MRPS28: variants seen among roughly 807,000 people sequenced by gnomAD.
The protein encoded by MRPS28 is mitochondrial ribosomal protein S28.
Under a neutral mutation model 10.8 loss-of-function variants are expected in MRPS28, and 7 were observed. The observed-to-expected ratio is 0.65, with a 90% CI of 0.37 to 1.22. The LOEUF is 1.22. MRPS28 is among the 50% of genes most tolerant of loss of function. The pLI is 0.02. For synonymous variants in MRPS28, 121 were observed against 93.3 expected (o/e 1.30, Z -1.71); for missense variants, 265 against 232.9 (o/e 1.14, Z -0.90).
chr8:79,951,606 CAT>C (rs995229683), intron 2 of MRPS28, among the ~76,000 whole-genome samples: 4 of 152,208 alleles, frequency 2.6e-5, no homozygotes, highest in Non-Finnish European at 5.9e-5. Context: ...CTGAATCAAT[CAT>C]GTGCTCTCAC....
chr8:80,005,399 G>A (rs889364447), intron 1 of MRPS28, among the ~76,000 whole-genome samples: 5 of 152,006 alleles, frequency 3.3e-5, no homozygotes, highest in Non-Finnish European at 5.9e-5. Context: ...CTTCATAAGT[G>A]AAGGAGAAAT....
intron 2 of MRPS28, among the ~76,000 whole-genome samples, chr8:79,950,557 T>C (rs1040038345): frequency 2.6e-5 from 4 of 151,810 alleles, no homozygotes; most frequent in Non-Finnish European, 5.9e-5. Flanking sequence ...CACACACATA[T>C]ACACACACAC....
intron 2 of MRPS28, among the ~76,000 whole-genome samples, chr8:79,974,395 C>A (rs957081728): frequency 6.6e-6 from 1 of 151,806 alleles, no homozygotes; most frequent in Non-Finnish European, 1.5e-5. Flanking sequence ...AAAAAATTAG[C>A]CAGGCGTGGT....
chr8:79,962,433 G>A (rs1458087788), intron 2 of MRPS28, among the ~76,000 whole-genome samples: 1 of 152,008 alleles, frequency 6.6e-6, no homozygotes, highest in East Asian at 1.9e-4. Context: ...GGTCCCAGTG[G>A]GATTTGTAAC....
At chr8:79,981,970 G>A (rs897365108) in intron 2 of MRPS28, among the ~76,000 whole-genome samples, 2 of 152,198 alleles carry the variant, frequency 1.3e-5, no homozygotes, top group South Asian at 2.1e-4. Flanking sequence ...TCTGGGCAGG[G>A]TGCAGTGGCT....
chr8:79,942,972 T>C (rs1372825735), intron 2 of MRPS28, among the ~76,000 whole-genome samples: 1 of 152,206 alleles, frequency 6.6e-6, no homozygotes, highest in Non-Finnish European at 1.5e-5. Context: ...ATTAATTAAC[T>C]ACATGTTTAG....
chr8:80,030,122 T>C lies in MRPS28; in HGVS notation c.127A>G (p.Lys43Glu). ...CCGCCTGCGCGCGTCTTAGGCTCCTTGGCATTGGAACTACCACTTTCGGAT... is the reference window on the plus strand; with the variant it reads ...CCGCCTGCGCGCGTCTTAGGCTCCTCGGCATTGGAACTACCACTTTCGGAT... The part of the protein sequence containing the change: ...SGSESGSSNA[K>E]EPKTRAGGFA... The change falls in exon 1 of 3, where the codon AAG (lysine) becomes GAG (glutamate). Residue 43 changes from lysine (K) to glutamate (E), a missense_variant. Transcript: ENST00000276585. 3 of 1,612,182 alleles carry C rather than the reference T, an allele frequency of 1.9e-6. No homozygotes were observed. Among genetic ancestry groups the C allele is most frequent in the Non-Finnish European group, 2.5e-6 (3 of 1,180,004 alleles).
chr8:79,920,216 G>T lies in MRPS28; in HGVS notation c.396-1068C>A, dbSNP rs150958974. On this transcript the variant is annotated intron_variant, in intron 2 of 2. Transcript: ENST00000276585. The stretch of plus-strand genomic sequence containing the variant: ...TGTTGGACATTTGGGTTGGTTCCAA[G>T]TCTTTGCTATTGCGAATGGTACCGC... Among the ~76,000 whole-genome samples the T allele has an allele frequency of 8.4e-3, 1,280 of 152,194 alleles. 27 individuals are homozygous for T. Among genetic ancestry groups the T allele is most frequent in the African/African-American group, 0.029 (1,215 of 41,508 alleles).
At chr8:79,932,589 G>A (rs754306672) in intron 2 of MRPS28, among the ~76,000 whole-genome samples, 1 of 152,152 alleles carries the variant, frequency 6.6e-6, no homozygotes, top group African/African-American at 2.4e-5. Context: ...TAGGTGCTCT[G>A]GAAAGCCTAT....
chr8:79,970,416 C>T (rs1713926449), intron 2 of MRPS28, among the ~76,000 whole-genome samples: 1 of 152,156 alleles, frequency 6.6e-6, no homozygotes, highest in African/African-American at 2.4e-5. Context: ...GGGCTGCTGC[C>T]ATATACCAAC....
At chr8:79,968,148 A>G (rs928400919) in intron 2 of MRPS28, among the ~76,000 whole-genome samples, 1 of 151,982 alleles carries the variant, frequency 6.6e-6, no homozygotes, top group African/African-American at 2.4e-5. Context: ...TTGTCTTATT[A>G]TATCTCTTTT....
intron 2 of MRPS28, among the ~76,000 whole-genome samples, chr8:79,933,940 T>A (rs563797836): frequency 6.6e-6 from 1 of 152,212 alleles, no homozygotes; most frequent in Non-Finnish European, 1.5e-5. Context: ...AAAGAAGTAA[T>A]GCTCTCAGAT....
At chr8:79,960,396 G>A (rs1807345189) in intron 2 of MRPS28, among the ~76,000 whole-genome samples, 1 of 152,048 alleles carries the variant, frequency 6.6e-6, no homozygotes, top group Admixed American at 6.6e-5. Context: ...TGAGAATGCT[G>A]GATGGTTAAC....
At chr8:79,920,870 A>C (rs1810074840) in intron 2 of MRPS28, among the ~76,000 whole-genome samples, 1 of 152,186 alleles carries the variant, frequency 6.6e-6, no homozygotes, top group African/African-American at 2.4e-5. Context: ...GCGCATGCCT[A>C]TGTCCTGAAT....
intron 1 of MRPS28, among the ~76,000 whole-genome samples, chr8:80,024,514 G>C (rs1225421903): frequency 6.6e-6 from 1 of 152,140 alleles, no homozygotes; most frequent in African/African-American, 2.4e-5. Context: ...AAAGTTCTTT[G>C]TAAGGATAAT....
chr8:79,963,487 T>C (rs1807423516), intron 2 of MRPS28, among the ~76,000 whole-genome samples: 1 of 152,106 alleles, frequency 6.6e-6, no homozygotes, highest in Non-Finnish European at 1.5e-5. Context: ...ATAGGTTAGA[T>C]GACAATGCAG....
chr8:79,926,708 T>A (rs959166027), intron 2 of MRPS28, among the ~76,000 whole-genome samples: 12 of 152,172 alleles, frequency 7.9e-5, no homozygotes, highest in African/African-American at 2.9e-4. Context: ...AGGGAGGGGA[T>A]AATAAGGTCC....
At chr8:79,968,284 T>G (rs1807549050) in intron 2 of MRPS28, among the ~76,000 whole-genome samples, 1 of 152,150 alleles carries the variant, frequency 6.6e-6, no homozygotes, top group African/African-American at 2.4e-5. Context: ...CATCCCTGCT[T>G]ATAAGTCTCT....
intron 2 of MRPS28, among the ~76,000 whole-genome samples, chr8:79,940,230 C>A (rs1806731119): frequency 6.6e-6 from 1 of 152,168 alleles, no homozygotes; most frequent in Non-Finnish European, 1.5e-5. Flanking sequence ...GCTTTCAGAA[C>A]TCCATATTAT....
Sources: gnomAD v4.1 joint callset for allele counts (sites outside exome capture counted in the v4.1 genomes callset) on GRCh38, gnomAD v4.1.1 for gene constraint, MANE v1.5 for transcripts, NCBI Gene and HGNC (gene_info 2026-07-23, HGNC 2026-07-21) for gene names.